Variants in CRLF3 observed in about 807,000 individuals in gnomAD.
CRLF3 encodes the protein cytokine receptor like factor 3.
A neutral mutation model predicts 55.0 loss-of-function variants in CRLF3; 33 were observed. The ratio of observed to expected loss-of-function variants is 0.60; its 90% CI spans 0.46 to 0.80. The LOEUF is 0.80. Ranked by LOEUF, CRLF3 falls within the 30% of genes least tolerant of loss-of-function variation. CRLF3 has a pLI of 0.00. For missense variants in CRLF3, 494 were observed against 538.4 expected (o/e 0.92, Z 0.82); for synonymous variants, 238 against 196.8 (o/e 1.21, Z -1.75).
intron 1 of CRLF3, among the ~76,000 whole-genome samples, chr17:30,805,760 C>A (rs528500798): frequency 6.6e-6 from 1 of 150,402 alleles, no homozygotes; most frequent in Admixed American, 6.6e-5. Context: ...CAGTGGCTCA[C>A]ACCTATGATC....
intron 1 of CRLF3, among the ~76,000 whole-genome samples, chr17:30,810,427 G>T (rs751697423): frequency 1.3e-5 from 2 of 152,084 alleles, no homozygotes; most frequent in South Asian, 4.2e-4. Context: ...TTACCCAAGC[G>T]TAGTGGTGCA....
At chr17:30,817,527 T>C (rs1001224190) in intron 1 of CRLF3, among the ~76,000 whole-genome samples, 2 of 152,128 alleles carry the variant, frequency 1.3e-5, no homozygotes, top group Non-Finnish European at 2.9e-5. Flanking sequence ...GCTTATAATG[T>C]TAATAAAAAT....
At position 30,806,456 on chromosome 17, in the gene CRLF3, G is replaced by A. The variant is rs78452421; in HGVS notation, c.130-2348C>T. Reference sequence around the variant, plus strand: ...AGACCTACTGAACCAGAAAATGACAGGAGGGGCTAAAGGAGTGTATGGATG... The same window carrying A: ...AGACCTACTGAACCAGAAAATGACAAGAGGGGCTAAAGGAGTGTATGGATG... On this transcript the variant is annotated intron_variant, in intron 1 of 7. Coordinates refer to ENST00000324238, the MANE Select transcript of CRLF3 (RefSeq NM_015986.4). Among the ~76,000 whole-genome samples the A allele has an allele frequency of 2.2e-4, 33 of 152,262 alleles. No homozygotes were observed. The East Asian group carries it at 6.4e-3, about 29-fold the overall frequency.
At chr17:30,816,591 T>C (rs1223820170) in intron 1 of CRLF3, among the ~76,000 whole-genome samples, 1 of 147,494 alleles carries the variant, frequency 6.8e-6, no homozygotes, top group African/African-American at 2.5e-5. Flanking sequence ...CTGGGCTCAA[T>C]AAATCCTCTC....
rs751182773 is a variant in CRLF3, at chr17:30,796,212, T to C, written c.551A>G (p.Gln184Arg). The change falls in exon 4 of 8, where the codon CAG (glutamine) becomes CGG (arginine). Residue 184 changes from glutamine (Q) to arginine (R), a missense_variant. Gln to Arg is a conservative substitution (Grantham distance 43, BLOSUM62 1). Coordinates refer to ENST00000324238, the MANE Select transcript of CRLF3 (RefSeq NM_015986.4). ...AGGTTTCTCTATTAGTTCTTCTATCTGTACTGGTGGGCGAGATGCTACTGT... is the reference window on the plus strand; with the variant it reads ...AGGTTTCTCTATTAGTTCTTCTATCCGTACTGGTGGGCGAGATGCTACTGT... ...HGTVASRPPV[Q>R]IEELIEKPGG... is the part of the protein sequence containing the mutation. The C allele has an allele frequency of 3.1e-6, 5 of 1,613,990 alleles. No individual in the cohort carries two copies. In the South Asian group the frequency reaches 5.5e-5, roughly 18 times the overall value.
Position 30,803,956 on chromosome 17 carries a change from G to T in CRLF3, c.282C>A (p.Asp94Glu), listed in dbSNP as rs774536161. 2 of 1,612,402 alleles carry T rather than the reference G, an allele frequency of 1.2e-6. No individual in the cohort carries two copies. The highest frequency in any genetic ancestry group is 1.7e-6 in the Non-Finnish European group (2 of 1,179,998). The change falls in exon 2 of 8, where the codon GAC becomes GAA. Residue 94 changes from aspartate to glutamate, a missense_variant. Asp to Glu is a conservative substitution (Grantham distance 45). Coordinates refer to ENST00000324238, the MANE Select transcript of CRLF3 (RefSeq NM_015986.4). The stretch of plus-strand genomic sequence containing the variant: ...CTCCGTGTTCTATGAGCTTCTGGCA[G>T]TCATCTAGTGGTTTAATGGTCTCCT... Reference protein sequence around the residue: ...IEQETIKPLDDCQKLIEHGVN... With the variant: ...IEQETIKPLDECQKLIEHGVN...
chr17:30,802,547 C>T (rs1045746072), intron 2 of CRLF3, among the ~76,000 whole-genome samples: 1 of 152,132 alleles, frequency 6.6e-6, no homozygotes, highest in Non-Finnish European at 1.5e-5. Context: ...CCTCCCGCCT[C>T]GGCCTCTTAA....
intron 6 of CRLF3, among the ~76,000 whole-genome samples, chr17:30,791,409 G>T (rs1007532141): frequency 3.9e-5 from 6 of 151,906 alleles, no homozygotes; most frequent in African/African-American, 9.7e-5. Context: ...GTTTTACCAG[G>T]TTGACCAGGC....
intron 5 of CRLF3, 104 bp from the exon 6 acceptor site, chr17:30,792,676 G>T: frequency 1.0e-6 from 1 of 1,003,968 alleles, no homozygotes. Context: ...ACTCTTAGGG[G>T]CCATGGTCAA....
intron 1 of CRLF3, among the ~76,000 whole-genome samples, chr17:30,814,524 G>T (rs1335007516): frequency 1.3e-5 from 2 of 151,818 alleles, no homozygotes; most frequent in Non-Finnish European, 2.9e-5. Flanking sequence ...GAGCGTGGTG[G>T]TGGGAGCCTG....
chr17:30,782,763 A>C lies in CRLF3; in HGVS notation c.*1424T>G, dbSNP rs1258890360. 1 of 152,164 alleles carries C rather than the reference A, an allele frequency of 6.6e-6. No individual in the cohort carries two copies. Among genetic ancestry groups the C allele is most frequent in the African/African-American group, 2.4e-5 (1 of 41,456 alleles). 9.4% of individuals were successfully genotyped at this position (152,164 alleles called of 1,614,324 possible). ...TCTAGAACATCTTCTTAATCCCTAA[A>C]CAAGTGGAAATCTACTACTTATATA... On this transcript the variant is annotated 3_prime_UTR_variant, in exon 8 of 8. Transcript: ENST00000324238.
At chr17:30,799,555 G>A (rs1971973527) in intron 2 of CRLF3, among the ~76,000 whole-genome samples, 1 of 150,484 alleles carries the variant, frequency 6.6e-6, no homozygotes, top group African/African-American at 2.4e-5. Context: ...TTGAGATGGA[G>A]TCTTGCTCTT....
chr17:30,822,838 G>A (rs971675389), intron 1 of CRLF3, among the ~76,000 whole-genome samples: 1 of 152,134 alleles, frequency 6.6e-6, no homozygotes, highest in Non-Finnish European at 1.5e-5. Context: ...TGAAATGTTA[G>A]ATGGTATTTT....
intron 4 of CRLF3, 47 bp from the exon 5 acceptor site, chr17:30,793,719 T>C (rs1971860327): frequency 7.2e-7 from 1 of 1,385,750 alleles, no homozygotes; most frequent in Non-Finnish European, 1.0e-6. Context: ...AAATGACTTC[T>C]CTCAGCATCA....
intron 2 of CRLF3, among the ~76,000 whole-genome samples, chr17:30,800,598 T>A (rs1247127944): frequency 6.7e-6 from 1 of 150,284 alleles, no homozygotes; most frequent in Non-Finnish European, 1.5e-5. Flanking sequence ...CATCAATAAT[T>A]CTACTTCTTA....
Position 30,797,351 on chromosome 17 carries a change from A to G in CRLF3, c.385T>C (p.Trp129Arg). 2 of 1,614,066 alleles carry G rather than the reference A, an allele frequency of 1.2e-6. No homozygotes were observed. The highest frequency in any genetic ancestry group is 1.7e-6 in the Non-Finnish European group (2 of 1,179,968). ...TGCGAGGCCTTTTTGGTAAAGCTCC[A>G]CAGTTTCTCATTCTCTTCTCCCACA... ...GGVGEENEKL[W>R]SFTKKASHIQ... Residue 129 changes from tryptophan to arginine, a missense_variant, in exon 3 of 8, where the codon TGG becomes CGG. Coordinates refer to ENST00000324238, the MANE Select transcript of CRLF3 (RefSeq NM_015986.4).
intron 2 of CRLF3, chr17:30,801,094 A>T (rs544763387): frequency 6.7e-6 from 1 of 148,472 alleles, no homozygotes; most frequent in Admixed American, 6.8e-5. Flanking sequence ...TTTTTTTTTA[A>T]AAAAATTAGA....
At chr17:30,785,104 T>G (rs1359118782) in intron 7 of CRLF3, 2 of 129,962 alleles carry the variant, frequency 1.5e-5, no homozygotes, top group African/African-American at 6.1e-5. Flanking sequence ...TTTTTTTTTT[T>G]TTTTGAGACG....
rs759502321 is a variant in CRLF3 at position 30,824,621 on chromosome 17, G to A, written c.31C>T (p.Leu11=). 10 of 1,605,036 alleles carry A rather than the reference G, an allele frequency of 6.2e-6. No individual in the cohort carries two copies. Among genetic ancestry groups the A allele is most frequent in the Non-Finnish European group, 8.5e-6 (10 of 1,179,158 alleles). MRGAMELEPE[L]LLQEARENVE... ...TTCTCGCGGGCCTCCTGCAACAGCA[G>A]CTCAGGCTCCAGCTCCATCGCCCCC... The change falls in exon 1 of 8, where the codon CTG becomes TTG. Residue 11 remains leucine, a synonymous_variant. Transcript: ENST00000324238.
Sources: gnomAD v4.1 joint callset for allele counts (sites outside exome capture counted in the v4.1 genomes callset) on GRCh38, gnomAD v4.1.1 for gene constraint, MANE v1.5 for transcripts, NCBI Gene and HGNC (gene_info 2026-07-23, HGNC 2026-07-21) for gene names.